PCDH9: variants seen among roughly 807,000 people sequenced by gnomAD.
PCDH9 encodes protocadherin 9.
In PCDH9, 24 loss-of-function variants were observed where a neutral mutation model predicts 70.6. The observed-to-expected ratio is 0.34, with a 90% CI of 0.25 to 0.48. The LOEUF (loss-of-function observed/expected upper bound fraction) is 0.48, where lower values mean the gene tolerates loss of function less well. PCDH9 is among the 20% of genes least tolerant of loss of function. PCDH9 has a pLI of 0.99. For missense variants in PCDH9, 1,281 were observed against 1,503.6 expected (o/e 0.85, Z 2.45); for synonymous variants, 562 against 558.5 (o/e 1.01, Z -0.09).
At chr13:67,150,835 C>T (rs2087639311) in intron 2 of PCDH9, among the ~76,000 whole-genome samples, 1 of 152,206 alleles carries the variant, frequency 6.6e-6, no homozygotes, top group South Asian at 2.1e-4. Context: ...TTCCACTGCA[C>T]TACTATTGGC....
At chr13:67,193,674 ACTTC>A (rs2088981769) in intron 2 of PCDH9, among the ~76,000 whole-genome samples, 1 of 152,098 alleles carries the variant, frequency 6.6e-6, no homozygotes, top group Non-Finnish European at 1.5e-5. Context: ...ATTCTTAATT[ACTTC>A]CTTCTAAGGG....
At chr13:67,065,533 T>C (rs555399407) in intron 2 of PCDH9, among the ~76,000 whole-genome samples, 21 of 152,186 alleles carry the variant, frequency 1.4e-4, no homozygotes, top group Non-Finnish European at 2.6e-4. Flanking sequence ...TAGAAACCTG[T>C]AATGGCTAAA....
intron 2 of PCDH9, among the ~76,000 whole-genome samples, chr13:66,979,075 T>A (rs1043781501): frequency 6.6e-6 from 1 of 152,088 alleles, no homozygotes. Context: ...AAGAAAGACA[T>A]GACGTTTTGT....
At chr13:66,611,591 G>A (rs898220655) in intron 4 of PCDH9, among the ~76,000 whole-genome samples, 2 of 152,050 alleles carry the variant, frequency 1.3e-5, no homozygotes, top group Non-Finnish European at 2.9e-5. Context: ...GAAAACAATT[G>A]ACTATATAAG....
At chr13:66,984,149 T>G (rs2083839204) in intron 2 of PCDH9, among the ~76,000 whole-genome samples, 1 of 152,164 alleles carries the variant, frequency 6.6e-6, no homozygotes, top group Admixed American at 6.6e-5. Context: ...AAATTGTAAC[T>G]TTATCAAATA....
At chr13:66,454,771 T>C (rs1182001608) in intron 4 of PCDH9, among the ~76,000 whole-genome samples, 1 of 152,202 alleles carries the variant, frequency 6.6e-6, no homozygotes, top group Non-Finnish European at 1.5e-5. Flanking sequence ...ATTAGTCCTA[T>C]GAGCTTTTTA....
chr13:66,344,168 G>A lies in PCDH9; in HGVS notation c.3341-39140C>T, dbSNP rs570203635. 2.0e-5 allele frequency among the ~76,000 whole-genome samples: 3 copies of A among 152,240 alleles called. No individual in the cohort carries two copies. In the East Asian group the frequency reaches 5.8e-4, roughly 29 times the overall value. On this transcript the variant is annotated intron_variant, in intron 4 of 4. Coordinates refer to ENST00000377865, the MANE Select transcript of PCDH9 (RefSeq NM_203487.3). ...TGTTTTTGTTTGTTTTTGAGGTGGA[G>A]TTTTGCTCTTGTTGCCCAGGCTAGA...
intron 4 of PCDH9, among the ~76,000 whole-genome samples, chr13:66,549,539 A>G (rs527423229): frequency 6.6e-6 from 1 of 151,724 alleles, no homozygotes; most frequent in Non-Finnish European, 1.5e-5. Context: ...ATTTTTTTTT[A>G]AAAAAAGGTT....
chr13:66,961,090 A>C (rs890355230), intron 2 of PCDH9, among the ~76,000 whole-genome samples: 2 of 152,208 alleles, frequency 1.3e-5, no homozygotes, highest in Non-Finnish European at 2.9e-5. Flanking sequence ...ACTATAGTAC[A>C]AAAAATTTAC....
At chr13:66,676,275 A>G (rs2078241270) in intron 3 of PCDH9, among the ~76,000 whole-genome samples, 1 of 152,156 alleles carries the variant, frequency 6.6e-6, no homozygotes, top group Non-Finnish European at 1.5e-5. Context: ...CTCATTTTAA[A>G]GTGACTCATT....
At chr13:66,727,347 A>G (rs928508477) in intron 3 of PCDH9, among the ~76,000 whole-genome samples, 1 of 152,196 alleles carries the variant, frequency 6.6e-6, no homozygotes, top group Non-Finnish European at 1.5e-5. Flanking sequence ...TCTTCTAAAT[A>G]TAAGAGGAGA....
At chr13:67,018,375 C>G (rs1405538378) in intron 2 of PCDH9, among the ~76,000 whole-genome samples, 6 of 152,018 alleles carry the variant, frequency 3.9e-5, no homozygotes, top group Non-Finnish European at 8.8e-5. Flanking sequence ...AATCCCAGCA[C>G]TTTGGGCGGC....
chr13:66,785,428 A>G (rs1053225749), intron 3 of PCDH9, among the ~76,000 whole-genome samples: 7 of 151,814 alleles, frequency 4.6e-5, no homozygotes, highest in African/African-American at 1.4e-4. Context: ...AGGTCACTTA[A>G]TGATTTTTTT....
At chr13:66,528,701 G>A (rs1960315590) in intron 4 of PCDH9, among the ~76,000 whole-genome samples, 1 of 152,048 alleles carries the variant, frequency 6.6e-6, no homozygotes, top group Non-Finnish European at 1.5e-5. Context: ...CTCCTAAAAG[G>A]ATAGGCAGGA....
At chr13:67,157,390 A>G (rs779993520) in intron 2 of PCDH9, among the ~76,000 whole-genome samples, 14 of 152,238 alleles carry the variant, frequency 9.2e-5, no homozygotes, top group Non-Finnish European at 1.3e-4. Flanking sequence ...TACATATACT[A>G]ACTGCTCAAA....
intron 2 of PCDH9, among the ~76,000 whole-genome samples, chr13:66,999,553 A>G (rs923295764): frequency 6.6e-6 from 1 of 151,924 alleles, no homozygotes; most frequent in Non-Finnish European, 1.5e-5. Context: ...GCAACCTACA[A>G]AATGGGAGAA....
chr13:66,305,527 A>T lies in PCDH9; in HGVS notation c.3341-499T>A, dbSNP rs112890678. ...TGAAACATAGCATCATTAAAAATAA[A>T]TACTCTAAATGATTATATAAAATAT... On this transcript the variant is annotated intron_variant, in intron 4 of 4. Transcript: ENST00000377865. Among the ~76,000 whole-genome samples the T allele has an allele frequency of 9.3e-3, 1,419 of 152,232 alleles. 24 individuals carry two copies. The highest frequency in any genetic ancestry group is 0.032 in the African/African-American group (1,331 of 41,566).
intron 4 of PCDH9, among the ~76,000 whole-genome samples, chr13:66,416,591 T>A (rs1337636182): frequency 6.6e-6 from 1 of 152,204 alleles, no homozygotes; most frequent in Non-Finnish European, 1.5e-5. Flanking sequence ...GTTTGCCCAA[T>A]TTGACAAGCA....
intron 2 of PCDH9, among the ~76,000 whole-genome samples, chr13:67,028,189 A>G (rs1461333384): frequency 1.4e-5 from 2 of 147,196 alleles, no homozygotes; most frequent in East Asian, 2.1e-4. Flanking sequence ...ACAGTGATAG[A>G]CTGGATTAAG....
Sources: gnomAD v4.1 joint callset for allele counts (sites outside exome capture counted in the v4.1 genomes callset) on GRCh38, gnomAD v4.1.1 for gene constraint, MANE v1.5 for transcripts, NCBI Gene and HGNC (gene_info 2026-07-23, HGNC 2026-07-21) for gene names.